GRXCR2: variants seen among roughly 807,000 people sequenced by gnomAD.
The protein encoded by GRXCR2 is glutaredoxin and cysteine rich domain containing 2.
A neutral mutation model predicts 24.8 loss-of-function variants in GRXCR2; 23 were observed. The observed-to-expected ratio is 0.93, with a 90% CI of 0.67 to 1.32. GRXCR2 has a LOEUF of 1.32. Ranked by LOEUF, GRXCR2 falls within the 40% of genes most tolerant of loss-of-function variation. The pLI, the probability that GRXCR2 is intolerant of heterozygous loss-of-function variation, is 0.00. For missense variants in GRXCR2, 315 were observed against 303.4 expected, an observed-to-expected ratio of 1.04 and a Z score of -0.28; for synonymous variants, 130 against 116.1, an observed-to-expected ratio of 1.12 and a Z score of -0.77.
At chr5:145,874,384 AG>A (rs1468932067), upstream of GRXCR2, among the ~76,000 whole-genome samples, 1 of 151,640 alleles carries the variant, frequency 6.6e-6, no homozygotes, top group Non-Finnish European at 1.5e-5. Context: ...TTGTATTTTT[AG>A]TAGAGATGGA....
intron 2 of GRXCR2, among the ~76,000 whole-genome samples, chr5:145,911,810 C>T (rs1176891608): frequency 6.6e-6 from 1 of 152,158 alleles, no homozygotes; most frequent in African/African-American, 2.4e-5. Context: ...TTCATCTGAC[C>T]AGGCGCTGTG....
At chr5:145,906,560 C>T (rs1203346264) in intron 2 of GRXCR2, among the ~76,000 whole-genome samples, 1 of 152,170 alleles carries the variant, frequency 6.6e-6, no homozygotes, top group African/African-American at 2.4e-5. Flanking sequence ...CCCTGAATTT[C>T]CAACAGCACT....
chr5:145,862,212 T>A (rs1356428517), intron 2 of GRXCR2, among the ~76,000 whole-genome samples: 1 of 152,208 alleles, frequency 6.6e-6, no homozygotes, highest in African/African-American at 2.4e-5. Flanking sequence ...ATACATGTGA[T>A]CCAAAAATTC....
chr5:145,906,742 C>A (rs545283177), intron 2 of GRXCR2, among the ~76,000 whole-genome samples: 131 of 152,282 alleles, frequency 8.6e-4, no homozygotes, highest in African/African-American at 3.0e-3. Flanking sequence ...CTTCCGGGCA[C>A]TGGAAATAGA....
chr5:145,873,004 G>C lies in GRXCR2; in HGVS notation c.-36C>G. 6.4e-7 allele frequency: 1 copy of C among 1,566,938 alleles called. No individual in the cohort carries two copies. The highest frequency in any genetic ancestry group is 8.7e-7 in the Non-Finnish European group (1 of 1,143,262). ...TTGACCCTGTGGTCTCCAGCCTTCC[G>C]TGCAGCCGGTGAAACTTGGGCCTCT... On this transcript the variant is annotated 5_prime_UTR_variant, in exon 1 of 3. Transcript: ENST00000377976.
intron 2 of GRXCR2, among the ~76,000 whole-genome samples, chr5:145,931,119 C>T (rs1326725564): frequency 6.6e-6 from 1 of 152,146 alleles, no homozygotes; most frequent in East Asian, 1.9e-4. Context: ...GCAGCCTCAA[C>T]CTCCTGGGCT....
At chr5:145,917,063 T>TA (rs1757251253) in intron 2 of GRXCR2, among the ~76,000 whole-genome samples, 1 of 57,670 alleles carries the variant, frequency 1.7e-5, no homozygotes, top group African/African-American at 1.5e-4. Flanking sequence ...CCTAAGCATC[T>TA]TTTTTTTTTT....
intron 2 of GRXCR2, among the ~76,000 whole-genome samples, chr5:145,890,825 G>A (rs1756853158): frequency 6.6e-6 from 1 of 151,176 alleles, no homozygotes; most frequent in Admixed American, 6.6e-5. Context: ...TCACAGAAGG[G>A]CAAGTTGAAT....
chr5:145,873,201 T>C (rs913766057), upstream of GRXCR2, among the ~76,000 whole-genome samples: 1 of 152,170 alleles, frequency 6.6e-6, no homozygotes, highest in African/African-American at 2.4e-5. Context: ...ACAAGATTGA[T>C]TCTTCTCATA....
At chr5:145,917,416 C>T (rs538335164) in intron 2 of GRXCR2, among the ~76,000 whole-genome samples, 1 of 152,040 alleles carries the variant, frequency 6.6e-6, no homozygotes, top group Non-Finnish European at 1.5e-5. Flanking sequence ...AGTAAGTGTG[C>T]AGAATATAGA....
intron 1 of GRXCR2, among the ~76,000 whole-genome samples, chr5:145,870,657 CG>C (rs998874841): frequency 4.6e-5 from 7 of 152,114 alleles, no homozygotes; most frequent in Admixed American, 6.5e-5. Context: ...CATTTGGATT[CG>C]TTATTGAAAA....
At chr5:145,883,350 A>G (rs1354303456) in intron 2 of GRXCR2, among the ~76,000 whole-genome samples, 2 of 152,190 alleles carry the variant, frequency 1.3e-5, no homozygotes. Context: ...ATATTAAAAT[A>G]ATGGTTTTTG....
intron 1 of GRXCR2, among the ~76,000 whole-genome samples, chr5:145,871,320 G>T (rs560048611): frequency 6.6e-6 from 1 of 152,184 alleles, no homozygotes; most frequent in Non-Finnish European, 1.5e-5. Flanking sequence ...TAATAATATG[G>T]TTCTCTAAAA....
intron 1 of GRXCR2, among the ~76,000 whole-genome samples, chr5:145,868,470 C>T (rs558441890): frequency 4.6e-5 from 7 of 152,274 alleles, no homozygotes; most frequent in Non-Finnish European, 7.3e-5. Flanking sequence ...GATTTTCTCT[C>T]CCTTTCTTCA....
At chr5:145,913,607 G>T (rs1757195426) in intron 2 of GRXCR2, among the ~76,000 whole-genome samples, 1 of 152,146 alleles carries the variant, frequency 6.6e-6, no homozygotes, top group African/African-American at 2.4e-5. Flanking sequence ...TTTCTGAGAA[G>T]AATGAAAATT....
chr5:145,897,280 TA>T (rs1413822070), intron 2 of GRXCR2, among the ~76,000 whole-genome samples: 5 of 141,178 alleles, frequency 3.5e-5, no homozygotes, highest in African/African-American at 1.4e-4. Flanking sequence ...CATACATACA[TA>T]CATACAAACG....
At chr5:145,869,560 T>TC (rs753332733) in intron 1 of GRXCR2, among the ~76,000 whole-genome samples, 19 of 46,722 alleles carry the variant, frequency 4.1e-4, no homozygotes, top group African/African-American at 1.3e-3. Context: ...TCTCTCTCTC[T>TC]TTTTTTTTTT....
chr5:145,902,299 C>T (rs1757035785), intron 2 of GRXCR2, among the ~76,000 whole-genome samples: 1 of 152,096 alleles, frequency 6.6e-6, no homozygotes, highest in South Asian at 2.1e-4. Flanking sequence ...TACAGTGTCT[C>T]ACTATGTTTT....
rs534647256 is a variant in GRXCR2 at position 145,919,568 on chromosome 5, C to T, written c.-70+16133G>A. 2.2e-4 allele frequency among the ~76,000 whole-genome samples: 33 copies of T among 152,126 alleles called. 1 individual carries two copies. Among genetic ancestry groups the T allele is most frequent in the African/African-American group, 8.0e-4 (33 of 41,496 alleles). ...TGGTATTTCTCGCGAATCAATTGCT[C>T]GGAGAAACAATGACAAAGAAGGGTT... On this transcript the variant is annotated intron_variant, in intron 2 of 3. Transcript: ENST00000639411.
Sources: allele counts gnomAD v4.1 joint callset (sites outside exome capture counted in the v4.1 genomes callset), GRCh38; gene constraint gnomAD v4.1.1; transcripts MANE v1.5; gene names NCBI Gene and HGNC (gene_info 2026-07-23, HGNC 2026-07-21).